Variants in CCDC7 observed in about 807,000 individuals in gnomAD.
CCDC7 encodes coiled-coil domain-containing protein 7.
In CCDC7, 183 loss-of-function variants were observed where a neutral mutation model predicts 196.9. The observed-to-expected ratio is 0.93, with a 90% CI of 0.82 to 1.05. The LOEUF is 1.05. Among genes scored for constraint, CCDC7 ranks in the 50% least tolerant of loss-of-function variants. The pLI is 0.00. For missense variants in CCDC7, 1,540 were observed against 1,482.2 expected (o/e 1.04, Z -0.64); for synonymous variants, 525 against 484.6 (o/e 1.08, Z -1.10).
chr10:32,585,309 A>G (rs1020662180), intron 18 of CCDC7, among the ~76,000 whole-genome samples: 6 of 152,132 alleles, frequency 3.9e-5, no homozygotes, highest in Non-Finnish European at 4.4e-5. Context: ...TCCTGACCTT[A>G]TGATCCGCCC....
chr10:32,729,560 A>G (rs1302165693), intron 28 of CCDC7, 103 bp downstream of exon 29: 3 of 505,234 alleles, frequency 5.9e-6, no homozygotes, highest in Non-Finnish European at 1.0e-5. Context: ...TCTTCTGCTA[A>G]TTATTTCCAT....
In CCDC7 at chr10:32,613,431, T is replaced by C. The variant is rs2062410643; in HGVS notation, c.1802-20823T>C. Among the ~76,000 whole-genome samples, 3 of 152,318 alleles carry C rather than the reference T, an allele frequency of 2.0e-5. No homozygotes were observed. In the South Asian group the frequency reaches 6.2e-4, roughly 32 times the overall value. ...ATCTCCTTCAGTTTTGCTCTGATGT[T>C]AGTAATTTCTTGTCTTCTGCTAGCT... On this transcript the variant is annotated intron_variant, in intron 18 of 41. Transcript: ENST00000639629.
chr10:32,725,269 A>G lies in CCDC7; in HGVS notation c.2570-1465A>G, dbSNP rs965017964. The G allele has an allele frequency of 1.3e-5, 6 of 467,838 alleles. No individual in the cohort carries two copies. The Admixed American group carries it at 1.4e-4, about 11-fold the overall frequency. 29.0% of individuals were successfully genotyped at this position (467,838 alleles called of 1,614,324 possible). A position where few individuals can be genotyped will look rare whatever the true frequency, so the allele number is the denominator to read the frequency against. Reference sequence around the variant, plus strand: ...TTATGCAGTTGCTCTATCCTATAATACTTTGAAACTTTTACAAAATTGCTT... The same window carrying G: ...TTATGCAGTTGCTCTATCCTATAATGCTTTGAAACTTTTACAAAATTGCTT... On this transcript the variant is annotated intron_variant, in intron 25 of 41. Transcript: ENST00000639629.
At position 32,824,613 on chromosome 10, in the gene CCDC7, A is replaced by G; in HGVS notation, c.3268+9A>G. The stretch of plus-strand genomic sequence containing the variant: ...GAGAAAGAGTTACCCTGGTAAGAAT[A>G]AGAATTTTTAAAATCTACTTATGGT... On this transcript the variant is annotated intron_variant, in intron 32 of 41. Transcript: ENST00000639629. 1 of 1,582,438 alleles carries G rather than the reference A, an allele frequency of 6.3e-7. No individual in the cohort carries two copies. Among genetic ancestry groups the G allele is most frequent in the Non-Finnish European group, 8.7e-7 (1 of 1,155,210 alleles).
chr10:32,759,067 C>A (rs1343498296), intron 28 of CCDC7, among the ~76,000 whole-genome samples: 1 of 152,128 alleles, frequency 6.6e-6, no homozygotes, highest in Non-Finnish European at 1.5e-5. Flanking sequence ...AGGAGAACTA[C>A]AAACCACTGC....
At chr10:32,518,580 C>G in intron 11 of CCDC7, 75 bp downstream of exon 12, 1 of 1,186,290 alleles carries the variant, frequency 8.4e-7, no homozygotes. Context: ...AATCAAAGAG[C>G]TATTTAAATG....
At chr10:32,707,171 C>A (rs145840034) in intron 24 of CCDC7, among the ~76,000 whole-genome samples, 1 of 152,280 alleles carries the variant, frequency 6.6e-6, no homozygotes, top group South Asian at 2.1e-4. Flanking sequence ...TCAACATACA[C>A]AAATCAATAA....
At chr10:32,598,882 T>C (rs1389114283) in intron 18 of CCDC7, among the ~76,000 whole-genome samples, 1 of 152,190 alleles carries the variant, frequency 6.6e-6, no homozygotes, top group African/African-American at 2.4e-5. Context: ...AATTGTGTAT[T>C]TTGCTGATGT....
At chr10:32,507,037 G>C (rs1004147081) in intron 9 of CCDC7, among the ~76,000 whole-genome samples, 1 of 152,130 alleles carries the variant, frequency 6.6e-6, no homozygotes, top group African/African-American at 2.4e-5. Context: ...GTGTGTTCCA[G>C]GCTGGAGTGC....
At chr10:32,881,948 T>C (rs1405244137), downstream of CCDC7, among the ~76,000 whole-genome samples, 2 of 152,072 alleles carry the variant, frequency 1.3e-5, no homozygotes, top group Admixed American at 6.6e-5. Context: ...CTTAAGGACA[T>C]AAAGCTCATA....
At chr10:32,484,075 A>G (rs958425885) in intron 8 of CCDC7, among the ~76,000 whole-genome samples, 3 of 152,176 alleles carry the variant, frequency 2.0e-5, no homozygotes, top group Non-Finnish European at 4.4e-5. Flanking sequence ...GAATCTATAA[A>G]TTACCTTGGG....
chr10:32,868,200 C>A (rs1484396843), intron 41 of CCDC7, among the ~76,000 whole-genome samples: 4 of 151,948 alleles, frequency 2.6e-5, no homozygotes, highest in African/African-American at 9.7e-5. Flanking sequence ...TACCTTTTGG[C>A]TATTTTGACA....
At chr10:32,460,733 C>T (rs1254292887) in intron 3 of CCDC7, among the ~76,000 whole-genome samples, 1 of 152,108 alleles carries the variant, frequency 6.6e-6, no homozygotes, top group East Asian at 1.9e-4. Context: ...TAGATTTATG[C>T]TTTCTTATTT....
chr10:32,659,544 T>G (rs886424965), intron 20 of CCDC7, among the ~76,000 whole-genome samples: 2 of 152,236 alleles, frequency 1.3e-5, no homozygotes, highest in African/African-American at 4.8e-5. Context: ...ACACATTTTT[T>G]GTTTCATGGT....
intron 9 of CCDC7, among the ~76,000 whole-genome samples, chr10:32,504,935 C>T (rs369636086): frequency 2.6e-5 from 4 of 152,142 alleles, no homozygotes; most frequent in Non-Finnish European, 4.4e-5. Flanking sequence ...CCTAAAGTAT[C>T]GTTCAAGTCC....
Position 32,816,898 on chromosome 10 carries a change from GA to G in CCDC7, c.3181+2451del, listed in dbSNP as rs1352289348. ...ACAAAGATGGGGAAAAAAAAGAGCA[GA>G]AAAAACAGAAACTCTAAAAATCAGA... is the stretch of plus-strand genomic sequence containing the variant. On this transcript the variant is annotated intron_variant, in intron 31 of 41. Transcript: ENST00000639629. Among the ~76,000 whole-genome samples, 24 of 152,192 alleles carry G rather than the reference GA, an allele frequency of 1.6e-4. No homozygotes were observed. The East Asian group carries it at 4.4e-3, about 28-fold the overall frequency.
At chr10:32,788,935 C>T (rs925787975) in intron 29 of CCDC7, among the ~76,000 whole-genome samples, 1 of 152,176 alleles carries the variant, frequency 6.6e-6, no homozygotes, top group African/African-American at 2.4e-5. Flanking sequence ...CCAATGTGGA[C>T]CCAGGCTCTA....
At chr10:32,529,019 T>C (rs2049201166) in intron 11 of CCDC7, among the ~76,000 whole-genome samples, 1 of 151,934 alleles carries the variant, frequency 6.6e-6, no homozygotes, top group Non-Finnish European at 1.5e-5. Flanking sequence ...TTTTATTTTA[T>C]TTTATGTTAT....
At chr10:32,649,271 TAACA>T (rs950289014) in intron 20 of CCDC7, among the ~76,000 whole-genome samples, 3 of 152,190 alleles carry the variant, frequency 2.0e-5, no homozygotes, top group African/African-American at 7.2e-5. Flanking sequence ...TTTAGCTATG[TAACA>T]AACCTGCACA....
Sources: allele counts gnomAD v4.1 joint callset (sites outside exome capture counted in the v4.1 genomes callset), GRCh38; gene constraint gnomAD v4.1.1; transcripts MANE v1.5; gene names NCBI Gene and HGNC (gene_info 2026-07-23, HGNC 2026-07-21).